TTC3: variants seen among roughly 807,000 people sequenced by gnomAD.
TTC3 encodes the protein tetratricopeptide repeat domain 3, also known as E3 ubiquitin-protein ligase TTC3.
A neutral mutation model predicts 249.6 loss-of-function variants in TTC3; 180 were observed. The observed-to-expected ratio is 0.72, with a 90% CI of 0.64 to 0.82. The LOEUF (loss-of-function observed/expected upper bound fraction) is 0.82. Among genes scored for constraint, TTC3 ranks in the 40% least tolerant of loss-of-function variants. TTC3 has a pLI of 0.00. For synonymous variants in TTC3, 717 were observed against 805.0 expected (o/e 0.89, Z 1.85); for missense variants, 2,061 against 2,398.4 (o/e 0.86, Z 2.94).
At chr21:37,160,571 A>G (rs1474333849) in intron 29 of TTC3, among the ~76,000 whole-genome samples, 3 of 148,932 alleles carry the variant, frequency 2.0e-5, no homozygotes, top group African/African-American at 7.5e-5. Flanking sequence ...GGAAAATAAG[A>G]TAAAAATGTT....
chr21:37,112,393 T>C (rs1393505267), intron 11 of TTC3, among the ~76,000 whole-genome samples: 4 of 152,096 alleles, frequency 2.6e-5, no homozygotes, highest in Admixed American at 2.6e-4. Flanking sequence ...CAAACTACCA[T>C]CAGAGAATAC....
chr21:37,161,638 T>TGA (rs1202198330), intron 30 of TTC3, among the ~76,000 whole-genome samples: 3 of 151,948 alleles, frequency 2.0e-5, no homozygotes, highest in Non-Finnish European at 4.4e-5. Flanking sequence ...GGGGATGGAG[T>TGA]GAGAGAGAGT....
chr21:37,190,199 T>C (rs2083889274), intron 39 of TTC3, among the ~76,000 whole-genome samples: 1 of 136,700 alleles, frequency 7.3e-6, no homozygotes, highest in Non-Finnish European at 1.5e-5. Flanking sequence ...TGGAGTGCAG[T>C]GGCGTGATCT....
At chr21:37,082,929 A>C in intron 1 of TTC3, 1 of 981,726 alleles carries the variant, frequency 1.0e-6, no homozygotes, top group Non-Finnish European at 1.2e-6. Flanking sequence ...TTTACATCTA[A>C]GTTAAGATTT....
At chr21:37,196,141 C>A (rs2084880257) in intron 42 of TTC3, 105 bp downstream of exon 42, 2 of 1,441,330 alleles carry the variant, frequency 1.4e-6, no homozygotes, top group African/African-American at 1.4e-5. Context: ...AAAAGGGTTG[C>A]ATAATTGTTT....
At chr21:37,167,656 A>C in intron 34 of TTC3, 36 bp downstream of exon 34, 1 of 1,528,470 alleles carries the variant, frequency 6.5e-7, no homozygotes, top group Non-Finnish European at 9.0e-7. Context: ...TTAAAGGTTT[A>C]GTTTTCATTA....
At chr21:37,101,151 G>A (rs2074453085) in intron 10 of TTC3, 1 of 152,102 alleles carries the variant, frequency 6.6e-6, no homozygotes, top group African/African-American at 2.4e-5. Flanking sequence ...TTTTAAACTT[G>A]GTGTTTACTT....
intron 1 of TTC3, 102 bp from the exon 2 acceptor site, chr21:37,087,145 A>G (rs1483602516): frequency 6.1e-6 from 8 of 1,317,260 alleles, no homozygotes; most frequent in Non-Finnish European, 7.3e-6. Flanking sequence ...CCTTGGGCAT[A>G]GGTTCCAAGT....
chr21:37,201,690 C>CTAAA, exon 46 of TTC3: 1 of 1,334,244 alleles, frequency 7.5e-7, no homozygotes, highest in Non-Finnish European at 1.0e-6. Flanking sequence ...TGTCACAAAG[C>CTAAA]TAAATACATG....
At chr21:37,090,126 C>T in intron 5 of TTC3, 107 bp from the exon 6 acceptor site, 2 of 721,510 alleles carry the variant, frequency 2.8e-6, no homozygotes, top group East Asian at 2.7e-5. Flanking sequence ...AAGTGTACTA[C>T]TGAGTACATA....
chr21:37,124,202 G>A (rs528341693), intron 13 of TTC3, among the ~76,000 whole-genome samples: 17 of 119,782 alleles, frequency 1.4e-4, no homozygotes, highest in Non-Finnish European at 1.9e-4. Context: ...TGAAACCTCC[G>A]CCTACTGGGT....
chr21:37,088,660 A>G, intron 4 of TTC3, 139 bp from the exon 5 acceptor site: 2 of 774,938 alleles, frequency 2.6e-6, no homozygotes, highest in Admixed American at 2.9e-5. Flanking sequence ...CATTTAATAA[A>G]TAGCTTAGTT....
chr21:37,133,222 CTT>C lies in TTC3; in HGVS notation c.1443+459_1443+460del, dbSNP rs1409248232. 2.0e-5 allele frequency among the ~76,000 whole-genome samples: 3 copies of C among 152,068 alleles called. No homozygotes were observed. In the East Asian group the frequency reaches 5.8e-4, roughly 29 times the overall value. ...TATTCTAAAATCATTAGAGGGCAAA[CTT>C]TTATTCTTTAAATGATTTAACTTAA... On this transcript the variant is annotated intron_variant, in intron 17 of 45. Transcript: ENST00000355666.
At chr21:37,124,329 C>G (rs1026159986) in intron 13 of TTC3, among the ~76,000 whole-genome samples, 1 of 151,910 alleles carries the variant, frequency 6.6e-6, no homozygotes, top group African/African-American at 2.4e-5. Flanking sequence ...GTTGGCCAGG[C>G]TGGTCTTGAA....
Position 37,153,018 on chromosome 21 carries a change from T to G in TTC3, c.2481T>G (p.Tyr827Ter), listed in dbSNP as rs560244432. 1.9e-6 allele frequency: 3 copies of G among 1,614,066 alleles called. No individual in the cohort carries two copies. Among genetic ancestry groups the G allele is most frequent in the Admixed American group, 3.3e-5 (2 of 60,020 alleles). The change falls in exon 27 of 46, where the codon TAT becomes TAG. Residue 827 changes from tyrosine to a stop codon, truncating the protein, a stop_gained. Coordinates refer to ENST00000355666, the Ensembl canonical transcript of TTC3. LOFTEE classifies it high-confidence loss of function. ...GAATTCTACAGTGTATAAAGCAGTA[T>G]GCTGACAAGATTAAATCCGGCATAC...
intron 11 of TTC3, among the ~76,000 whole-genome samples, chr21:37,114,112 C>T (rs529094623): frequency 3.9e-5 from 6 of 152,128 alleles, no homozygotes; most frequent in South Asian, 2.1e-4. Flanking sequence ...CAATACCATT[C>T]GGGACATAGG....
intron 15 of TTC3, 60 bp from the exon 16 acceptor site, chr21:37,128,943 C>T: frequency 7.8e-7 from 1 of 1,284,166 alleles, no homozygotes. Flanking sequence ...AATAGTTTTA[C>T]TCTCAGGCTT....
chr21:37,123,592 T>C (rs2076800128), intron 13 of TTC3, among the ~76,000 whole-genome samples: 1 of 152,222 alleles, frequency 6.6e-6, no homozygotes, highest in Non-Finnish European at 1.5e-5. Flanking sequence ...TTCTGCATTC[T>C]TGTTCAGATG....
rs138729503 is a variant in TTC3 at position 37,188,764 on chromosome 21, C to A, written c.5024+169C>A. ...ACATACAAACAAAAATGATAAAAAT[C>A]ATTCCTAATTCTAAATGGATAGATA... On this transcript the variant is annotated intron_variant, in intron 39 of 45. Coordinates refer to ENST00000355666, the Ensembl canonical transcript of TTC3. 31 of 452,920 alleles carry A rather than the reference C, an allele frequency of 6.8e-5. No individual in the cohort carries two copies. The East Asian group carries it at 7.4e-4, about 11-fold the overall frequency. The allele number at this position is 452,920 out of a possible 1,614,324, so 28.1% of individuals were successfully genotyped here. A position where few individuals can be genotyped will look rare whatever the true frequency, so the allele number is the denominator to read the frequency against.
Sources: allele counts gnomAD v4.1 joint callset (sites outside exome capture counted in the v4.1 genomes callset), GRCh38; gene constraint gnomAD v4.1.1; transcripts MANE v1.5; gene names NCBI Gene and HGNC (gene_info 2026-07-23, HGNC 2026-07-21).